Variants in EPHB2 observed in about 807,000 individuals in gnomAD.
The protein encoded by EPHB2 is ephrin type-B receptor 2.
In EPHB2, 18 loss-of-function variants were observed where a neutral mutation model predicts 96.4. That is an observed-to-expected ratio of 0.19 (90% confidence interval 0.13 to 0.28). The LOEUF is 0.28. EPHB2 is among the 10% of genes least tolerant of loss of function. EPHB2 has a pLI of 1.00. For synonymous variants in EPHB2, 506 were observed against 534.1 expected, an observed-to-expected ratio of 0.95 and a Z score of 0.72; for missense variants, 989 against 1,355.4, an observed-to-expected ratio of 0.73 and a Z score of 4.25.
rs1645535945 is a variant in EPHB2 at position 22,846,040 on chromosome 1, T to A, written c.812-16997T>A. Reference sequence around the variant, plus strand: ...CATTTGGCCCTGGGAAAGTTTGGGATCAGTTAGACCCTAAGGATCCCTGCA... The same window carrying A: ...CATTTGGCCCTGGGAAAGTTTGGGAACAGTTAGACCCTAAGGATCCCTGCA... On this transcript the variant is annotated intron_variant, in intron 3 of 15. Transcript: ENST00000374630. The surrounding 1 kb of genome is among the most constrained non-coding windows in gnomAD (Gnocchi z 4.3). 6.6e-6 allele frequency among the ~76,000 whole-genome samples: 1 copy of A among 152,074 alleles called. No individual in the cohort carries two copies. Among genetic ancestry groups the A allele is most frequent in the African/African-American group, 2.4e-5 (1 of 41,394 alleles).
In EPHB2 at chr1:22,828,614, A is replaced by G. The variant is rs1347511193; in HGVS notation, c.812-34423A>G. On this transcript the variant is annotated intron_variant, in intron 3 of 15. Transcript: ENST00000374630. ...TGACGAGGTCAGACAACCCAAGATG[A>G]CAGGCTCACGTGACATCACAGTCAC... Among the ~76,000 whole-genome samples, 5 of 152,324 alleles carry G rather than the reference A, an allele frequency of 3.3e-5. No individual in the cohort carries two copies. The East Asian group carries it at 9.7e-4, about 29-fold the overall frequency.
At chr1:22,796,356 G>C (rs965934780) in intron 3 of EPHB2, among the ~76,000 whole-genome samples, 10 of 152,214 alleles carry the variant, frequency 6.6e-5, no homozygotes, top group Non-Finnish European at 1.5e-4. Context: ...TGGGCTTTCT[G>C]CTCCTTCCTC....
intron 3 of EPHB2, among the ~76,000 whole-genome samples, chr1:22,816,828 T>A (rs1290390120): frequency 2.0e-5 from 3 of 152,144 alleles, no homozygotes; most frequent in Admixed American, 2.0e-4. Context: ...TTGCCTAAGG[T>A]CACCCTGGGG....
chr1:22,877,092 G>A (rs1029589694), intron 5 of EPHB2, among the ~76,000 whole-genome samples: 2 of 152,206 alleles, frequency 1.3e-5, no homozygotes, highest in African/African-American at 4.8e-5. Flanking sequence ...GCTGGACCAG[G>A]ATGTCCTCAG....
intron 3 of EPHB2, among the ~76,000 whole-genome samples, chr1:22,806,944 A>G (rs991188024): frequency 1.3e-5 from 2 of 149,998 alleles, no homozygotes; most frequent in African/African-American, 4.9e-5. Context: ...TGCCTTTATT[A>G]TCAGCACTCC....
intron 3 of EPHB2, among the ~76,000 whole-genome samples, chr1:22,850,376 G>A (rs927120157): frequency 6.6e-6 from 1 of 152,218 alleles, no homozygotes; most frequent in African/African-American, 2.4e-5. Flanking sequence ...CACGTGGGGC[G>A]GTTTGGGAGA....
At chr1:22,731,385 A>C (rs1394475462) in intron 1 of EPHB2, among the ~76,000 whole-genome samples, 2 of 152,098 alleles carry the variant, frequency 1.3e-5, no homozygotes, top group East Asian at 3.9e-4. Context: ...GGGGCTCTGC[A>C]GTCACACCAG....
At chr1:22,780,285 C>T (rs1364700542) in intron 1 of EPHB2, among the ~76,000 whole-genome samples, 2 of 152,188 alleles carry the variant, frequency 1.3e-5, no homozygotes, top group African/African-American at 2.4e-5. Context: ...CCCTAGGCCA[C>T]ATGGCTCCCT....
At chr1:22,863,376 A>G in intron 4 of EPHB2, 184 bp downstream of exon 4, 1 of 890,322 alleles carries the variant, frequency 1.1e-6, no homozygotes, top group Non-Finnish European at 1.7e-6. Context: ...TGCAGACACC[A>G]CAGTGCTGGC....
rs371212532 is a variant in EPHB2, at chr1:22,837,614, G to A, written c.812-25423G>A. On this transcript the variant is annotated intron_variant, in intron 3 of 15. Coordinates refer to ENST00000374630, the MANE Select transcript of EPHB2 (RefSeq NM_017449.5). ...AAGCAAGGAGAGGGAGAAGGTGAACGCCAAGTTTCAGCCATTTTCCCATCT... is the reference window on the plus strand; with the variant it reads ...AAGCAAGGAGAGGGAGAAGGTGAACACCAAGTTTCAGCCATTTTCCCATCT... 3.3e-5 allele frequency among the ~76,000 whole-genome samples: 5 copies of A among 152,268 alleles called. No individual in the cohort carries two copies. In the South Asian group the frequency reaches 8.3e-4, roughly 25 times the overall value.
intron 3 of EPHB2, among the ~76,000 whole-genome samples, chr1:22,822,647 A>G (rs994449859): frequency 6.6e-6 from 1 of 152,224 alleles, no homozygotes; most frequent in African/African-American, 2.4e-5. Context: ...AGCAGGCTGG[A>G]GCAGGCAAAA....
chr1:22,902,176 T>A lies in EPHB2; in HGVS notation c.1766-3811T>A, dbSNP rs150509143. Among the ~76,000 whole-genome samples, 134 of 152,282 alleles carry A rather than the reference T, an allele frequency of 8.8e-4. No individual in the cohort carries two copies. The East Asian group carries it at 0.024, about 27-fold the overall frequency. ...CCTCGTCTGAAAAACAGGCATCACA[T>A]GTGATTGTACCAAATGAAATTGCTA... On this transcript the variant is annotated intron_variant, in intron 9 of 15. Coordinates refer to ENST00000374630, the MANE Select transcript of EPHB2 (RefSeq NM_017449.5).
chr1:22,754,967 T>G (rs1486129911), intron 1 of EPHB2, among the ~76,000 whole-genome samples: 3 of 141,464 alleles, frequency 2.1e-5, no homozygotes, highest in African/African-American at 2.9e-5. Context: ...GCAGGAGAGG[T>G]GAGCCGAAGG....
In EPHB2 at chr1:22,865,012, G is replaced by C; in HGVS notation, c.1103G>C (p.Gly368Ala). Residue 368 changes from glycine to alanine, a missense_variant, in exon 5 of 16, where the codon GGC becomes GCC. By Grantham distance (60) the Gly-to-Ala change is moderately conservative. Coordinates refer to ENST00000374630, the MANE Select transcript of EPHB2 (RefSeq NM_017449.5). ...ATCATCTGCAAGAGCTGTGGCTCGG[G>C]CCGGGGTGCCTGCACCCGCTGCGGG... is the stretch of plus-strand genomic sequence containing the variant. ...YNIICKSCGS[G>A]RGACTRCGDN... 1 of 1,611,932 alleles carries C rather than the reference G, an allele frequency of 6.2e-7. No individual in the cohort carries two copies. Among genetic ancestry groups the C allele is most frequent in the Non-Finnish European group, 8.5e-7 (1 of 1,178,352 alleles).
intron 5 of EPHB2, among the ~76,000 whole-genome samples, chr1:22,873,427 C>T (rs530228472): frequency 4.6e-5 from 7 of 152,270 alleles, no homozygotes; most frequent in Admixed American, 3.9e-4. Flanking sequence ...GGCAGACACT[C>T]GCAAGGGCTT....
intron 1 of EPHB2, among the ~76,000 whole-genome samples, chr1:22,776,749 A>G (rs1644458892): frequency 6.6e-6 from 1 of 152,260 alleles, no homozygotes. Context: ...AGTAGTAACT[A>G]AATAATTGTA....
chr1:22,784,709 C>G lies in EPHB2; in HGVS notation c.444C>G (p.Ser148=), dbSNP rs755002432. 6.2e-7 allele frequency: 1 copy of G among 1,613,792 alleles called. No individual in the cohort carries two copies. The highest frequency in any genetic ancestry group is 2.2e-5 in the East Asian group (1 of 44,860). Residue 148 remains serine, a synonymous_variant, in exon 3 of 16, where the codon TCC becomes TCG. Transcript: ENST00000374630. The surrounding 1 kb of genome is among the most constrained non-coding windows in gnomAD (Gnocchi z 5.1). ...CCATTGCAGCCGACGAGAGCTTCTC[C>G]CAGGTGGACCTGGGTGGCCGCGTCA... ...VDTIAADESF[S]QVDLGGRVMK...
At chr1:22,901,630 C>T (rs1267918334) in intron 9 of EPHB2, among the ~76,000 whole-genome samples, 1 of 152,206 alleles carries the variant, frequency 6.6e-6, no homozygotes, top group Admixed American at 6.5e-5. Context: ...GAGAGCCAGG[C>T]TTGTTGGAGG....
chr1:22,812,351 G>C (rs6694899), intron 3 of EPHB2, among the ~76,000 whole-genome samples: 1 of 152,118 alleles, frequency 6.6e-6, no homozygotes, highest in African/African-American at 2.4e-5. Context: ...GCTTCCACTC[G>C]GAGTGGGCAG....
Sources: gnomAD v4.1 joint callset for allele counts (sites outside exome capture counted in the v4.1 genomes callset) on GRCh38, gnomAD v4.1.1 for gene constraint, Gnocchi (gnomAD v3.1) non-coding constraint, MANE v1.5 for transcripts, NCBI Gene and HGNC (gene_info 2026-07-23, HGNC 2026-07-21) for gene names.